Variants in ING5 observed in about 807,000 individuals in gnomAD.
The protein encoded by ING5 is inhibitor of growth protein 5.
A neutral mutation model predicts 37.4 loss-of-function variants in ING5; 17 were observed. The observed-to-expected ratio is 0.45, with a 90% CI of 0.31 to 0.68. ING5 has a LOEUF of 0.68. ING5 is among the 30% of genes least tolerant of loss of function. The pLI, the probability that ING5 is intolerant of heterozygous loss-of-function variation, is 0.05. For missense variants in ING5, 233 were observed against 311.9 expected, an observed-to-expected ratio of 0.75 and a Z score of 1.91; for synonymous variants, 123 against 116.6, an observed-to-expected ratio of 1.06 and a Z score of -0.36.
chr2:241,722,405 G>A, intron 5 of ING5: 5 of 985,380 alleles, frequency 5.1e-6, no homozygotes, highest in Non-Finnish European at 4.8e-6. Flanking sequence ...CAGAACCCCG[G>A]TGCTGTGGGT....
At position 241,717,410 on chromosome 2, in the gene ING5, A is replaced by T. The variant is rs540736769; in HGVS notation, c.482+5339A>T. On this transcript the variant is annotated intron_variant, in intron 5 of 7. Transcript: ENST00000313552. ...TAATATTTATTTTCTTTCTTTAAAA[A>T]TTTTTTTTCCATACATATTCTGCTT... is the stretch of plus-strand genomic sequence containing the variant. 1.6e-4 allele frequency among the ~76,000 whole-genome samples: 25 copies of T among 151,848 alleles called. No individual in the cohort carries two copies. The East Asian group carries it at 4.4e-3, about 27-fold the overall frequency.
chr2:241,722,154 A>G (rs2070450629), intron 5 of ING5: 3 of 985,260 alleles, frequency 3.0e-6, no homozygotes, highest in South Asian at 9.4e-5. Flanking sequence ...AGGAGGTCAC[A>G]GTTACGGGAG....
At chr2:241,716,946 C>T (rs777021377) in intron 5 of ING5, among the ~76,000 whole-genome samples, 42 of 152,130 alleles carry the variant, frequency 2.8e-4, no homozygotes, top group Non-Finnish European at 4.0e-4. Flanking sequence ...TCAAAAGATC[C>T]GTTTTACAAC....
Position 241,724,055 on chromosome 2 carries a change from C to T in ING5, c.680+784C>T, listed in dbSNP as rs1691502920. 5 of 1,387,098 alleles carry T rather than the reference C, an allele frequency of 3.6e-6. No homozygotes were observed. In the Admixed American group the frequency reaches 1.6e-4, roughly 44 times the overall value. 85.9% of individuals were successfully genotyped at this position (1,387,098 alleles called of 1,614,324 possible). A position where few individuals can be genotyped will look rare whatever the true frequency, so the allele number is the denominator to read the frequency against. ...AAAAACCTGGCTTTGTTTGCCTGTGCTGAAAATCTAAAAATGGATATCTAT... is the reference window on the plus strand; with the variant it reads ...AAAAACCTGGCTTTGTTTGCCTGTGTTGAAAATCTAAAAATGGATATCTAT... On this transcript the variant is annotated intron_variant, in intron 7 of 7. Transcript: ENST00000313552.
intron 2 of ING5, chr2:241,690,746 T>C: frequency 2.5e-6 from 1 of 397,712 alleles, no homozygotes; most frequent in Non-Finnish European, 4.4e-6. Context: ...AGGCTGATAA[T>C]TGCAGAAAGA....
At chr2:241,719,862 GCAGGTCCCAGTAGTGA>G in intron 5 of ING5, 1 of 1,397,244 alleles carries the variant, frequency 7.2e-7, no homozygotes. Flanking sequence ...TGCCTGCCGT[GCAGGTCCCAGTAGTGA>G]CAGATGAGAA....
chr2:241,716,820 A>G lies in ING5; in HGVS notation c.482+4749A>G, dbSNP rs528611051. ...TGACGTGAAACACGCCTTAAAATAT[A>G]TGTGGAATGTAAAGATGTTGAACTC... is the stretch of plus-strand genomic sequence containing the variant. On this transcript the variant is annotated intron_variant, in intron 5 of 7. Coordinates refer to ENST00000313552, the MANE Select transcript of ING5 (RefSeq NM_032329.6). Among the ~76,000 whole-genome samples the G allele has an allele frequency of 2.4e-4, 36 of 152,310 alleles. 1 individual carries two copies. Among genetic ancestry groups the G allele is most frequent in the Middle Eastern group, 3.4e-3 (1 of 294 alleles).
intron 2 of ING5, among the ~76,000 whole-genome samples, chr2:241,705,926 T>C (rs1229287474): frequency 6.6e-6 from 1 of 152,010 alleles, no homozygotes; most frequent in Non-Finnish European, 1.5e-5. Context: ...GGCAGCTGTG[T>C]AGGTACTTTA....
intron 5 of ING5, 27 bp downstream of exon 5, chr2:241,712,098 A>G (rs1156590007): frequency 1.3e-6 from 2 of 1,532,302 alleles, no homozygotes; most frequent in Non-Finnish European, 8.9e-7. Context: ...TCTTTTTCCC[A>G]AAAGAACGAA....
intron 5 of ING5, among the ~76,000 whole-genome samples, chr2:241,717,513 G>GT (rs1216911992): frequency 6.6e-6 from 1 of 151,870 alleles, no homozygotes; most frequent in African/African-American, 2.4e-5. Context: ...ATTTTTTGCA[G>GT]TACATGTATG....
At chr2:241,719,148 T>G (rs1559311543) in intron 5 of ING5, among the ~76,000 whole-genome samples, 2 of 152,138 alleles carry the variant, frequency 1.3e-5, no homozygotes, top group African/African-American at 2.4e-5. Context: ...TTGGTAGAAG[T>G]GCGGGGGAGG....
chr2:241,720,016 G>C, intron 5 of ING5: 4 of 1,246,524 alleles, frequency 3.2e-6, no homozygotes, highest in Non-Finnish European at 3.0e-6. Flanking sequence ...CGTCGAGACA[G>C]GCTGGTAAGG....
upstream of ING5, among the ~76,000 whole-genome samples, chr2:241,697,210 C>A (rs534877352): frequency 6.6e-6 from 1 of 151,848 alleles, no homozygotes; most frequent in African/African-American, 2.4e-5. Context: ...CCGGGGCAGG[C>A]GGAACACAAG....
At chr2:241,709,562 T>G (rs1283715062) in intron 3 of ING5, among the ~76,000 whole-genome samples, 180 bp downstream of exon 3, 1 of 150,652 alleles carries the variant, frequency 6.6e-6, no homozygotes, top group Non-Finnish European at 1.5e-5. Flanking sequence ...CCTGTTTTTT[T>G]TTTTTTTTTT....
rs1205781575 is a variant in ING5 at position 241,729,395 on chromosome 2, T to C, written c.*4364T>C. On this transcript the variant is annotated 3_prime_UTR_variant, in exon 8 of 8. Coordinates refer to ENST00000313552, the MANE Select transcript of ING5 (RefSeq NM_032329.6). ...TGTTGTAAATCTTTTTATTAGATAA[T>C]GTAAAGATGTATATCAGTATTTTTG... 1 of 152,674 alleles carries C rather than the reference T, an allele frequency of 6.5e-6. No homozygotes were observed. Among genetic ancestry groups the C allele is most frequent in the Non-Finnish European group, 1.5e-5 (1 of 68,048 alleles). The allele number at this position is 152,674 out of a possible 1,614,324, so 9.5% of individuals were successfully genotyped here.
chr2:241,694,339 A>C (rs1259723226), intron 2 of ING5: 1 of 151,920 alleles, frequency 6.6e-6, no homozygotes, highest in Non-Finnish European at 1.5e-5. Flanking sequence ...GCTTTTCGGG[A>C]GGCTGAGGCA....
At chr2:241,723,990 A>C in intron 7 of ING5, 1 of 1,330,388 alleles carries the variant, frequency 7.5e-7, no homozygotes, top group Non-Finnish European at 1.0e-6. Context: ...AGCCTGGGCG[A>C]GAGAGCAAGA....
intron 3 of ING5, among the ~76,000 whole-genome samples, chr2:241,710,466 G>C (rs2070074260): frequency 6.6e-6 from 1 of 150,888 alleles, no homozygotes; most frequent in African/African-American, 2.4e-5. Flanking sequence ...CTACCAACAG[G>C]CTAATTTTTG....
At chr2:241,714,109 A>C (rs2070196866) in intron 5 of ING5, among the ~76,000 whole-genome samples, 7 of 152,130 alleles carry the variant, frequency 4.6e-5, no homozygotes, top group Admixed American at 4.6e-4. Context: ...TGTAAGTAGC[A>C]CCTAGTCAGT....
Sources: gnomAD v4.1 joint callset for allele counts (sites outside exome capture counted in the v4.1 genomes callset) on GRCh38, gnomAD v4.1.1 for gene constraint, MANE v1.5 for transcripts, NCBI Gene and HGNC (gene_info 2026-07-23, HGNC 2026-07-21) for gene names.